Variants in SCARB1 observed in about 807,000 individuals in gnomAD.
The protein encoded by SCARB1 is scavenger receptor class B member 1.
Under a neutral mutation model 57.2 loss-of-function variants are expected in SCARB1, and 30 were observed. The ratio of observed to expected loss-of-function variants is 0.52; its 90% CI spans 0.39 to 0.71. The LOEUF is 0.71. Ranked by LOEUF, SCARB1 falls within the 30% of genes least tolerant of loss-of-function variation. The pLI is 0.00. For missense variants in SCARB1, 543 were observed against 671.2 expected, an observed-to-expected ratio of 0.81 and a Z score of 2.11; for synonymous variants, 249 against 268.3, an observed-to-expected ratio of 0.93 and a Z score of 0.70.
In SCARB1 at chr12:124,800,142, C is replaced by T. The variant is rs1950080564; in HGVS notation, c.1110G>A (p.Leu370=). 6 of 1,613,682 alleles carry T rather than the reference C, an allele frequency of 3.7e-6. No homozygotes were observed. Among genetic ancestry groups the T allele is most frequent in the Admixed American group, 1.7e-5 (1 of 60,034 alleles). The change falls in exon 8 of 13, where the codon TTG becomes TTA. Residue 370 remains leucine (L), a synonymous_variant. Transcript: ENST00000261693. The surrounding 1 kb of genome is among the most constrained non-coding windows in gnomAD (Gnocchi z 4.8). ...GLHPNQEAHS[L]FLDIHPVTGI... ...GGCTCACCGGGTGGATGTCCAGGAA[C>T]AAGGAGTGTGCCTCCTGGTTAGGGT...
At chr12:124,811,127 C>T (rs183947745) in intron 5 of SCARB1, among the ~76,000 whole-genome samples, 1 of 152,362 alleles carries the variant, frequency 6.6e-6, no homozygotes, top group African/African-American at 2.4e-5. Flanking sequence ...TCTCTGCGTA[C>T]ATATAGGTGT....
chr12:124,791,213 G>C (rs997609294), intron 9 of SCARB1, among the ~76,000 whole-genome samples: 1 of 152,220 alleles, frequency 6.6e-6, no homozygotes, highest in Non-Finnish European at 1.5e-5. Context: ...ACTTGGCCCC[G>C]TGTGGCTTTT....
chr12:124,803,725 GATAAA>G (rs141737277), intron 7 of SCARB1, among the ~76,000 whole-genome samples: 2,252 of 115,010 alleles, frequency 0.02, 76 homozygotes, highest in African/African-American at 0.069. Context: ...ATTGAAATAA[GATAAA>G]ATAAATTAGC....
intron 1 of SCARB1, among the ~76,000 whole-genome samples, chr12:124,831,383 C>A (rs1361573073): frequency 6.6e-6 from 1 of 152,192 alleles, no homozygotes; most frequent in Non-Finnish European, 1.5e-5. Flanking sequence ...TCCCAAAGTG[C>A]TGGGATTACA....
chr12:124,836,933 C>T (rs1951668693), intron 1 of SCARB1, among the ~76,000 whole-genome samples: 1 of 140,104 alleles, frequency 7.1e-6, no homozygotes, highest in Admixed American at 7.8e-5. Context: ...GAGTCTTGAC[C>T]TTGGGTCTGA....
chr12:124,812,096 C>T lies in SCARB1; in HGVS notation c.631-131G>A. 2.7e-6 allele frequency: 2 copies of T among 729,866 alleles called. No homozygotes were observed. The highest frequency in any genetic ancestry group is 1.7e-5 in the African/African-American group (1 of 57,558). 45.2% of individuals were successfully genotyped at this position (729,866 alleles called of 1,614,324 possible). A position where few individuals can be genotyped will look rare whatever the true frequency, so the allele number is the denominator to read the frequency against. ...AGGGCCCCCAGCATCTGGTTCACTG[C>T]CAAATGCCCAGTGTCTGGGGACCGA... On this transcript the variant is annotated intron_variant, in intron 4 of 12. Transcript: ENST00000261693. The surrounding 1 kb of genome is among the most constrained non-coding windows in gnomAD (Gnocchi z 4.3).
intron 1 of SCARB1, among the ~76,000 whole-genome samples, chr12:124,829,535 C>A (rs752668232): frequency 1.0e-4 from 15 of 145,176 alleles, no homozygotes; most frequent in Non-Finnish European, 2.0e-4. Context: ...TCTCCTCCCC[C>A]ATTCCTATCT....
intron 1 of SCARB1, among the ~76,000 whole-genome samples, chr12:124,848,913 ATGTC>A (rs1190671461): frequency 3.3e-5 from 5 of 152,154 alleles, no homozygotes; most frequent in Non-Finnish European, 5.9e-5. Flanking sequence ...ATCCCTCTCT[ATGTC>A]TGTGTCTATC....
intron 8 of SCARB1, among the ~76,000 whole-genome samples, chr12:124,798,534 A>G (rs1452979991): frequency 6.6e-6 from 1 of 151,998 alleles, no homozygotes; most frequent in Non-Finnish European, 1.5e-5. Context: ...CCTCACCTGT[A>G]TGTGGAATCT....
chr12:124,859,480 G>A (rs530919086), intron 1 of SCARB1, among the ~76,000 whole-genome samples: 2 of 152,172 alleles, frequency 1.3e-5, no homozygotes, highest in African/African-American at 4.8e-5. Context: ...GCAGTGAGCC[G>A]AGATCGTGCC....
In SCARB1 at chr12:124,814,198, G is replaced by A. The variant is rs766081187; in HGVS notation, c.630+4C>T. The stretch of plus-strand genomic sequence containing the variant: ...TCTTTGGCTTCTCACCAGGCCACAC[G>A]TACCTCAGCAAATAATCCGAACTTG... On this transcript the variant is annotated splice_donor_region_variant and intron_variant, in intron 4 of 12. Transcript: ENST00000261693. This position sits in a 1 kb window ranked among gnomAD's most constrained non-coding sequence, Gnocchi z 4.7. 43 of 1,613,844 alleles carry A rather than the reference G, an allele frequency of 2.7e-5. No homozygotes were observed. Among genetic ancestry groups the A allele is most frequent in the South Asian group, 8.8e-5 (8 of 91,068 alleles).
At position 124,835,076 on chromosome 12, in the gene SCARB1, G is replaced by A. The variant is rs527699607; in HGVS notation, c.127-17369C>T. ...AGCCCTCCAGCGTCCAGACTCCAAT[G>A]CACCATGAAGTGCCGTGGCTATACT... is the stretch of plus-strand genomic sequence containing the variant. On this transcript the variant is annotated intron_variant, in intron 1 of 12. Transcript: ENST00000261693. Among the ~76,000 whole-genome samples the A allele has an allele frequency of 8.5e-5, 13 of 152,224 alleles. No individual in the cohort carries two copies. In the South Asian group the frequency reaches 2.7e-3, roughly 32 times the overall value.
rs1256736421 is a variant in SCARB1 at position 124,807,788 on chromosome 12, TTCCAGAC to T, written c.975_981del (p.Ser326PhefsTer31). Reference sequence around the variant, plus strand: ...AACCTGCAGGTGCTGACGTTCTGAATTCCAGACTCCAGGCACGGGCAGAAGCCTTCGT... The same window carrying T: ...AACCTGCAGGTGCTGACGTTCTGAATTCCAGGCACGGGCAGAAGCCTTCGT... On this transcript the variant is annotated frameshift_variant, in exon 7 of 13. Transcript: ENST00000261693. LOFTEE classifies it high-confidence loss of function. The surrounding 1 kb of genome is among the most constrained non-coding windows in gnomAD (Gnocchi z 5.3). 6.2e-7 allele frequency: 1 copy of T among 1,614,114 alleles called. No homozygotes were observed.
intron 1 of SCARB1, among the ~76,000 whole-genome samples, chr12:124,845,114 G>A (rs1952088115): frequency 6.6e-6 from 1 of 152,142 alleles, no homozygotes; most frequent in African/African-American, 2.4e-5. Context: ...AGAGCGAGAG[G>A]GGTGAGGGGA....
Position 124,795,286 on chromosome 12 carries a change from G to A in SCARB1, c.1129-18C>T. Reference sequence around the variant, plus strand: ...CCCGTGACCTGCGGCAACAAACACAGTGAGGAGACTGGCCACCCCCAAGCT... The same window carrying A: ...CCCGTGACCTGCGGCAACAAACACAATGAGGAGACTGGCCACCCCCAAGCT... On this transcript the variant is annotated intron_variant, in intron 8 of 12. Coordinates refer to ENST00000261693, the MANE Select transcript of SCARB1 (RefSeq NM_005505.5). 3 of 1,609,578 alleles carry A rather than the reference G, an allele frequency of 1.9e-6. No homozygotes were observed. Among genetic ancestry groups the A allele is most frequent in the Non-Finnish European group, 2.6e-6 (3 of 1,176,030 alleles).
At chr12:124,841,480 TCA>T (rs1951908789) in intron 1 of SCARB1, among the ~76,000 whole-genome samples, 1 of 132,216 alleles carries the variant, frequency 7.6e-6, no homozygotes, top group African/African-American at 3.1e-5. Flanking sequence ...AGACTCTGTC[TCA>T]AAAAAAAAAA....
chr12:124,856,771 G>C (rs931726311), intron 1 of SCARB1, among the ~76,000 whole-genome samples: 41 of 152,248 alleles, frequency 2.7e-4, no homozygotes, highest in Admixed American at 2.7e-3. Context: ...GGCTGATAAA[G>C]GCGCAGAGCG....
intron 1 of SCARB1, among the ~76,000 whole-genome samples, chr12:124,851,984 C>T (rs957398124): frequency 6.6e-6 from 1 of 152,106 alleles, no homozygotes; most frequent in African/African-American, 2.4e-5. Context: ...CTTAAATGCT[C>T]AGGGAGAGAA....
At chr12:124,798,658 C>T (rs754922372) in intron 8 of SCARB1, among the ~76,000 whole-genome samples, 5 of 151,276 alleles carry the variant, frequency 3.3e-5, no homozygotes, top group Non-Finnish European at 5.9e-5. Flanking sequence ...GCATGGCCAA[C>T]GTGGCAAAAC....
Sources: allele counts gnomAD v4.1 joint callset (sites outside exome capture counted in the v4.1 genomes callset), GRCh38; gene constraint gnomAD v4.1.1; non-coding constraint Gnocchi (gnomAD v3.1); transcripts MANE v1.5; gene names NCBI Gene and HGNC (gene_info 2026-07-23, HGNC 2026-07-21).